GTF2F1: variants seen among roughly 807,000 people sequenced by gnomAD.
GTF2F1 encodes the protein general transcription factor IIF 74 kDa subunit.
GTF2F1 carries 39 observed loss-of-function variants against 63.5 expected under a neutral mutation model. The ratio of observed to expected loss-of-function variants is 0.61; its 90% CI spans 0.48 to 0.80. GTF2F1 has a LOEUF of 0.80. Among genes scored for constraint, GTF2F1 ranks in the 30% least tolerant of loss-of-function variants. The pLI, the probability that GTF2F1 is intolerant of heterozygous loss-of-function variation, is 0.00. For missense variants in GTF2F1, 657 were observed against 718.3 expected (o/e 0.91, Z 0.97); for synonymous variants, 287 against 285.3 (o/e 1.01, Z -0.06).
chr19:6,381,412 T>C lies in GTF2F1; in HGVS notation c.965A>G (p.Glu322Gly), dbSNP rs747180102. ...GGGTGCCTTCTTCTCCTCCTCCTCC[T>C]CCTTGTCCTCCTCAGGCGGCTTCTC... The part of the protein sequence containing the change: ...EEEKPPEEDK[E>G]EEEEKKAPTP... The change falls in exon 9 of 13, where the codon GAG (glutamate) becomes GGG (glycine). Residue 322 changes from glutamate (E) to glycine (G), a missense_variant. By Grantham distance (98) the Glu-to-Gly change is moderately conservative (BLOSUM62 -2). This residue lies in a region of GTF2F1 where 602 missense variants were observed against 625.6 expected (regional missense o/e 0.96). Transcript: ENST00000394456. The surrounding 1 kb of genome is among the most constrained non-coding windows in gnomAD (Gnocchi z 4.1). The C allele has an allele frequency of 1.9e-6, 3 of 1,611,128 alleles. No individual in the cohort carries two copies. The highest frequency in any genetic ancestry group is 2.5e-6 in the Non-Finnish European group (3 of 1,179,784).
At position 6,383,720 on chromosome 19, in the gene GTF2F1, G is replaced by C. The variant is rs528660935; in HGVS notation, c.498-225C>G. 5.3e-5 allele frequency among the ~76,000 whole-genome samples: 8 copies of C among 152,326 alleles called. No individual in the cohort carries two copies. The highest frequency in any genetic ancestry group is 1.7e-4 in the African/African-American group (7 of 41,578). On this transcript the variant is annotated intron_variant, in intron 5 of 12. Transcript: ENST00000394456. The surrounding 1 kb of genome is among the most constrained non-coding windows in gnomAD (Gnocchi z 4.5). ...CTCAAAGAGCAGGTCCCCATGTGCT[G>C]CTGGAGTCTCAGCACCTCCCTCGGA...
chr19:6,380,326 C>T lies in GTF2F1; in HGVS notation c.1509G>A (p.Glu503=). The T allele has an allele frequency of 6.2e-7, 1 of 1,614,112 alleles. No homozygotes were observed. The highest frequency in any genetic ancestry group is 1.1e-5 in the South Asian group (1 of 91,078). ...LAQILKRLNP[E]RKMINDKMHF... ...GCATTTTGTCGTTGATCATCTTGCG[C>T]TCGGGGTTGAGTCGCTTGAGGATCT... The change falls in exon 13 of 13, where the codon GAG becomes GAA. Residue 503 remains glutamate, a synonymous_variant. Coordinates refer to ENST00000394456, the MANE Select transcript of GTF2F1 (RefSeq NM_002096.3). The surrounding 1 kb of genome is among the most constrained non-coding windows in gnomAD (Gnocchi z 5.3).
rs772346559 is a variant in GTF2F1, at chr19:6,392,830, G to A, written c.59+27C>T. 3 of 1,603,992 alleles carry A rather than the reference G, an allele frequency of 1.9e-6. No homozygotes were observed. In the South Asian group the frequency reaches 3.3e-5, roughly 18 times the overall value. Reference sequence around the variant, plus strand: ...GTTTTCATTTTTGGGGGGTGGAGAGGAGTGGGAGATGGGGCTGGGGACTTA... The same window carrying A: ...GTTTTCATTTTTGGGGGGTGGAGAGAAGTGGGAGATGGGGCTGGGGACTTA... On this transcript the variant is annotated intron_variant, in intron 2 of 12. Coordinates refer to ENST00000394456, the MANE Select transcript of GTF2F1 (RefSeq NM_002096.3).
At chr19:6,392,605 G>T (rs1015623955) in intron 2 of GTF2F1, among the ~76,000 whole-genome samples, 1 of 152,166 alleles carries the variant, frequency 6.6e-6, no homozygotes, top group Non-Finnish European at 1.5e-5. Flanking sequence ...GGGCATCATG[G>T]GACCATATAC....
intron 4 of GTF2F1, among the ~76,000 whole-genome samples, chr19:6,387,992 C>G (rs1371888663): frequency 6.7e-6 from 1 of 149,754 alleles, no homozygotes; most frequent in Non-Finnish European, 1.5e-5. Context: ...TGCAGTGGCA[C>G]CATCTCAGCT....
rs1477529855 is a variant in GTF2F1, at chr19:6,393,108, T to C, written c.-113A>G. On this transcript the variant is annotated 5_prime_UTR_variant, in exon 1 of 13. Transcript: ENST00000394456. ...CCGCTCGGTGTCGGGTCTCTGTGCC[T>C]GAGCGAGGACCCCAACCCTAGGCGC... 10 of 1,408,238 alleles carry C rather than the reference T, an allele frequency of 7.1e-6. No individual in the cohort carries two copies. The Admixed American group carries it at 1.2e-4, about 18-fold the overall frequency. The allele number at this position is 1,408,238 out of a possible 1,614,324, so 87.2% of individuals were successfully genotyped here. A position where few individuals can be genotyped will look rare whatever the true frequency, so the allele number is the denominator to read the frequency against.
Position 6,381,537 on chromosome 19 carries a change from G to A in GTF2F1, c.898+17C>T, listed in dbSNP as rs756318990. On this transcript the variant is annotated intron_variant, in intron 8 of 12. Coordinates refer to ENST00000394456, the MANE Select transcript of GTF2F1 (RefSeq NM_002096.3). The surrounding 1 kb of genome is among the most constrained non-coding windows in gnomAD (Gnocchi z 4.1). ...AGCACCGCCCCCATCTCCCCGGCCC[G>A]CCCAGCCATCGCCTACCCTTGGGCC... 19 of 1,611,592 alleles carry A rather than the reference G, an allele frequency of 1.2e-5. No homozygotes were observed. Among genetic ancestry groups the A allele is most frequent in the Middle Eastern group, 3.3e-4 (2 of 6,082 alleles).
In GTF2F1 at chr19:6,391,895, G is replaced by C. The variant is rs375095916; in HGVS notation, c.132+7C>G. 3.9e-6 allele frequency: 6 copies of C among 1,545,504 alleles called. No homozygotes were observed. The highest frequency in any genetic ancestry group is 5.3e-6 in the Non-Finnish European group (6 of 1,130,876). On this transcript the variant is annotated splice_region_variant and intron_variant, in intron 3 of 12. Coordinates refer to ENST00000394456, the MANE Select transcript of GTF2F1 (RefSeq NM_002096.3). ...CAGCCCCTGACCCCCAGGACTCAGA[G>C]ACTTACCTGATTCCACGTAGCAAAG...
intron 6 of GTF2F1, among the ~76,000 whole-genome samples, chr19:6,382,353 C>T (rs983957717): frequency 6.6e-6 from 1 of 152,040 alleles, no homozygotes; most frequent in Non-Finnish European, 1.5e-5. Flanking sequence ...AAAATTAGGC[C>T]GGGCGTGGTG....
At position 6,389,531 on chromosome 19, in the gene GTF2F1, C is replaced by G; in HGVS notation, c.239G>C (p.Arg80Pro). 1 of 1,614,240 alleles carries G rather than the reference C, an allele frequency of 6.2e-7. No individual in the cohort carries two copies. Among genetic ancestry groups the G allele is most frequent in the Non-Finnish European group, 8.5e-7 (1 of 1,180,030 alleles). ...GAGGACGATGCCGTACTTCTTCCTCCGAGCCTCCTCCCGAAGCTTGCGGTT... is the reference window on the plus strand; with the variant it reads ...GAGGACGATGCCGTACTTCTTCCTCGGAGCCTCCTCCCGAAGCTTGCGGTT... ...EFNRKLREEA[R>P]RKKYGIVLKE... Residue 80 changes from arginine (R) to proline (P), a missense_variant, in exon 4 of 13, where the codon CGG (arginine) becomes CCG (proline). This residue lies in a region of GTF2F1 where 602 missense variants were observed against 625.6 expected (regional missense o/e 0.96). Coordinates refer to ENST00000394456, the MANE Select transcript of GTF2F1 (RefSeq NM_002096.3).
intron 5 of GTF2F1, among the ~76,000 whole-genome samples, chr19:6,385,033 T>C (rs1202445009): frequency 6.6e-6 from 1 of 152,050 alleles, no homozygotes; most frequent in Non-Finnish European, 1.5e-5. Context: ...ACTCTTGACC[T>C]TGCGATCCGC....
In GTF2F1 at chr19:6,380,501, C is replaced by T. The variant is rs201709498; in HGVS notation, c.1350-16G>A. The T allele has an allele frequency of 3.0e-5, 48 of 1,613,600 alleles. No homozygotes were observed. Among genetic ancestry groups the T allele is most frequent in the Middle Eastern group, 1.6e-4 (1 of 6,062 alleles). On this transcript the variant is annotated splice_polypyrimidine_tract_variant and intron_variant, in intron 12 of 12. Coordinates refer to ENST00000394456, the MANE Select transcript of GTF2F1 (RefSeq NM_002096.3). This position sits in a 1 kb window ranked among gnomAD's most constrained non-coding sequence, Gnocchi z 5.3. ...CTGCACGTCGCTGAGGATGGGAGGA[C>T]GGGGAAGGTGGCATCAGTGAGATTG... is the stretch of plus-strand genomic sequence containing the variant.
chr19:6,392,431 A>G, intron 2 of GTF2F1: 2 of 492,208 alleles, frequency 4.1e-6, no homozygotes, highest in Non-Finnish European at 4.0e-6. Context: ...AAGATACTGG[A>G]GTTGAGTTTT....
At position 6,383,261 on chromosome 19, in the gene GTF2F1, C is replaced by T. The variant is rs756652708; in HGVS notation, c.682+50G>A. The T allele has an allele frequency of 2.5e-6, 4 of 1,575,582 alleles. No individual in the cohort carries two copies. The highest frequency in any genetic ancestry group is 1.7e-5 in the Admixed American group (1 of 59,786). On this transcript the variant is annotated intron_variant, in intron 6 of 12. Coordinates refer to ENST00000394456, the MANE Select transcript of GTF2F1 (RefSeq NM_002096.3). The surrounding 1 kb of genome is among the most constrained non-coding windows in gnomAD (Gnocchi z 4.5). ...ATGGTAGACTTTGCCTTCACTGGCA[C>T]TGCCTGAGCAGGCACCTCTGTGACC...
intron 6 of GTF2F1, among the ~76,000 whole-genome samples, chr19:6,382,579 C>T (rs188187841): frequency 8.1e-5 from 12 of 147,958 alleles, no homozygotes; most frequent in Admixed American, 3.4e-4. Context: ...TGCAGTGAGC[C>T]GAGATTGCGC....
intron 3 of GTF2F1, among the ~76,000 whole-genome samples, 154 bp downstream of exon 3, chr19:6,391,748 C>T (rs147693800): frequency 1.6e-4 from 25 of 152,148 alleles, no homozygotes; most frequent in African/African-American, 5.5e-4. Context: ...CTACTGCACC[C>T]AACCCTTTGT....
chr19:6,388,378 C>T (rs1599214838), intron 4 of GTF2F1, among the ~76,000 whole-genome samples: 1 of 152,226 alleles, frequency 6.6e-6, no homozygotes, highest in African/African-American at 2.4e-5. Context: ...TCCCTGCCTA[C>T]AGCTTTCCAA....
intron 3 of GTF2F1, among the ~76,000 whole-genome samples, chr19:6,390,129 A>G (rs1341231310): frequency 2.0e-5 from 3 of 152,204 alleles, no homozygotes. Flanking sequence ...CAGAAGGATC[A>G]CTTGAGCTCA....
At chr19:6,390,851 G>T (rs964503550) in intron 3 of GTF2F1, among the ~76,000 whole-genome samples, 1 of 152,052 alleles carries the variant, frequency 6.6e-6, no homozygotes, top group South Asian at 2.1e-4. Context: ...CTGCACTCCA[G>T]CCTGGATGAC....
Sources: allele counts gnomAD v4.1 joint callset (sites outside exome capture counted in the v4.1 genomes callset), GRCh38; gene constraint gnomAD v4.1.1; regional missense constraint gnomAD v4.1.1; non-coding constraint Gnocchi (gnomAD v3.1); transcripts MANE v1.5; gene names NCBI Gene and HGNC (gene_info 2026-07-23, HGNC 2026-07-21).